SLC35F3: variants seen among roughly 807,000 people sequenced by gnomAD.
SLC35F3 encodes putative thiamine transporter SLC35F3.
In SLC35F3, 25 loss-of-function variants were observed where a neutral mutation model predicts 49.9. The observed-to-expected ratio is 0.50, with a 90% CI of 0.37 to 0.70. SLC35F3 has a LOEUF of 0.70. SLC35F3 is among the 30% of genes least tolerant of loss of function. The pLI is 0.00. For synonymous variants in SLC35F3, 275 were observed against 265.4 expected (o/e 1.04, Z -0.35); for missense variants, 525 against 639.8 (o/e 0.82, Z 1.94).
At position 234,323,378 on chromosome 1, in the gene SLC35F3, C is replaced by T; in HGVS notation, c.*135C>T. Reference sequence around the variant, plus strand: ...AGTTCTATGGTATTTATTGGCATGTCCAATTTGCTTGCACTTTTCCACATC... The same window carrying T: ...AGTTCTATGGTATTTATTGGCATGTTCAATTTGCTTGCACTTTTCCACATC... On this transcript the variant is annotated 3_prime_UTR_variant, in exon 8 of 8. Coordinates refer to ENST00000366618, the MANE Select transcript of SLC35F3 (RefSeq NM_173508.4). This position sits in a 1 kb window ranked among gnomAD's most constrained non-coding sequence, Gnocchi z 4.5. The T allele has an allele frequency of 1.4e-6, 1 of 708,132 alleles. No individual in the cohort carries two copies. The highest frequency in any genetic ancestry group is 2.8e-5 in the Admixed American group (1 of 35,292). The allele number at this position is 708,132 out of a possible 1,614,324, so 43.9% of individuals were successfully genotyped here. A position where few individuals can be genotyped will look rare whatever the true frequency, so the allele number is the denominator to read the frequency against.
intron 2 of SLC35F3, among the ~76,000 whole-genome samples, chr1:234,191,989 C>T (rs1358746344): frequency 5.3e-5 from 8 of 151,794 alleles, no homozygotes; most frequent in African/African-American, 7.3e-5. Flanking sequence ...AAAAAAAGTC[C>T]AGGACCAGAT....
intron 2 of SLC35F3, among the ~76,000 whole-genome samples, chr1:233,994,660 C>T (rs749857674): frequency 3.3e-5 from 5 of 152,188 alleles, no homozygotes; most frequent in Non-Finnish European, 7.3e-5. Flanking sequence ...CCAAGGATTA[C>T]ATCTAGAGAG....
intron 3 of SLC35F3, among the ~76,000 whole-genome samples, chr1:234,265,652 G>A (rs1416666209): frequency 1.1e-4 from 17 of 152,086 alleles, no homozygotes; most frequent in Non-Finnish European, 2.1e-4. Context: ...CCTCCCAAGC[G>A]TTCTCCATTC....
At position 234,108,456 on chromosome 1, in the gene SLC35F3, AT is replaced by A. The variant is rs1399619015; in HGVS notation, c.284-122958del. On this transcript the variant is annotated intron_variant, in intron 2 of 7. Coordinates refer to ENST00000366618, the MANE Select transcript of SLC35F3 (RefSeq NM_173508.4). ...AAGATATATATAAAAGATATATATT[AT>A]TTATATATATAAAAGATATATATAT... is the stretch of plus-strand genomic sequence containing the variant. Among the ~76,000 whole-genome samples, 40 of 114,622 alleles carry A rather than the reference AT, an allele frequency of 3.5e-4. No homozygotes were observed. The Admixed American group carries it at 3.7e-3, about 10-fold the overall frequency. The allele number at this position is 114,622 out of a possible 152,430, so 75.2% of individuals were successfully genotyped here. A position where few individuals can be genotyped will look rare whatever the true frequency, so the allele number is the denominator to read the frequency against.
At chr1:234,319,129 C>G (rs918135299) in intron 6 of SLC35F3, among the ~76,000 whole-genome samples, 186 bp downstream of exon 6, 2 of 152,252 alleles carry the variant, frequency 1.3e-5, no homozygotes, top group Non-Finnish European at 2.9e-5. Flanking sequence ...AATTCCAGAG[C>G]CAGAATCAGT....
At chr1:234,314,276 T>G (rs188036737) in intron 4 of SLC35F3, among the ~76,000 whole-genome samples, 2 of 152,244 alleles carry the variant, frequency 1.3e-5, no homozygotes, top group Admixed American at 1.3e-4. Flanking sequence ...CCCTTGTCCC[T>G]TCCCCCAGCT....
chr1:234,318,858 C>T lies in SLC35F3; in HGVS notation c.1062C>T (p.Ile354=), dbSNP rs1173097013. The change falls in exon 6 of 8, where the codon ATC becomes ATT. Residue 354 remains isoleucine, a synonymous_variant. Coordinates refer to ENST00000366618, the MANE Select transcript of SLC35F3 (RefSeq NM_173508.4). ...NILFITCIPI[I]LYFTKVEYWS... ...TCTTCATCACCTGCATTCCTATTAT[C>T]CTCTACTTTACCAAAGTGGAATACT... 14 of 1,614,126 alleles carry T rather than the reference C, an allele frequency of 8.7e-6. No individual in the cohort carries two copies. Among genetic ancestry groups the T allele is most frequent in the Non-Finnish European group, 1.2e-5 (14 of 1,179,970 alleles).
chr1:234,051,131 T>G (rs938666351), intron 2 of SLC35F3, among the ~76,000 whole-genome samples: 2 of 152,228 alleles, frequency 1.3e-5, no homozygotes, highest in Admixed American at 6.5e-5. Flanking sequence ...GCTCTTTTTT[T>G]GGTTCCATAT....
At chr1:234,304,354 G>T (rs763698277) in intron 3 of SLC35F3, among the ~76,000 whole-genome samples, 8 of 152,084 alleles carry the variant, frequency 5.3e-5, no homozygotes, top group Non-Finnish European at 1.0e-4. Flanking sequence ...GTAGAGGCAG[G>T]GTTTCACCAT....
chr1:234,112,556 C>CTT (rs777353110), intron 2 of SLC35F3, among the ~76,000 whole-genome samples: 14,030 of 116,110 alleles, frequency 0.12, 2,397 homozygotes, highest in East Asian at 0.8. Flanking sequence ...AATTCACACT[C>CTT]TTTTTTTTTT....
At chr1:233,915,903 C>G (rs975942909) in intron 2 of SLC35F3, among the ~76,000 whole-genome samples, 9 of 152,194 alleles carry the variant, frequency 5.9e-5, no homozygotes, top group African/African-American at 2.2e-4. Flanking sequence ...CCCGCCAGGT[C>G]CCTCCCACAA....
At chr1:234,004,577 ACT>A (rs780334927) in intron 2 of SLC35F3, among the ~76,000 whole-genome samples, 1 of 89,264 alleles carries the variant, frequency 1.1e-5, no homozygotes, top group South Asian at 3.9e-4. Flanking sequence ...AGGAAAATAG[ACT>A]CTGTATTGAG....
chr1:234,287,405 A>G (rs1454275811), intron 3 of SLC35F3, among the ~76,000 whole-genome samples: 1 of 152,184 alleles, frequency 6.6e-6, no homozygotes. Context: ...ATTTGGTTCC[A>G]CAACGGCCCA....
chr1:233,964,346 G>A (rs1662859569), intron 2 of SLC35F3, among the ~76,000 whole-genome samples: 1 of 152,186 alleles, frequency 6.6e-6, no homozygotes, highest in Admixed American at 6.5e-5. Context: ...GAAGTGGCCT[G>A]GGGCTGGATG....
At chr1:234,003,855 C>T (rs1364700629) in intron 2 of SLC35F3, among the ~76,000 whole-genome samples, 1 of 152,152 alleles carries the variant, frequency 6.6e-6, no homozygotes, top group African/African-American at 2.4e-5. Context: ...AAATGATGCT[C>T]AGCCTTACCC....
At chr1:234,160,897 G>A (rs1263987598) in intron 2 of SLC35F3, among the ~76,000 whole-genome samples, 1 of 152,290 alleles carries the variant, frequency 6.6e-6, no homozygotes, top group South Asian at 2.1e-4. Flanking sequence ...TTTTCTCTTT[G>A]TGTGGATCAA....
intron 2 of SLC35F3, among the ~76,000 whole-genome samples, chr1:233,951,167 A>G (rs1018877826): frequency 6.6e-6 from 1 of 151,896 alleles, no homozygotes; most frequent in Admixed American, 6.6e-5. Context: ...AGAGTCATGC[A>G]CCATGTAACA....
chr1:233,945,111 A>AAG (rs1662493106), intron 2 of SLC35F3, among the ~76,000 whole-genome samples: 1 of 151,914 alleles, frequency 6.6e-6, no homozygotes, highest in African/African-American at 2.4e-5. Context: ...ATACAAGGAG[A>AAG]AGAGAATTTT....
At chr1:234,282,015 C>T (rs1043381261) in intron 3 of SLC35F3, among the ~76,000 whole-genome samples, 2 of 152,030 alleles carry the variant, frequency 1.3e-5, no homozygotes, top group Non-Finnish European at 2.9e-5. Context: ...TCCCCTGGTA[C>T]GTCTTGTGAA....
Sources: gnomAD v4.1 joint callset for allele counts (sites outside exome capture counted in the v4.1 genomes callset) on GRCh38, gnomAD v4.1.1 for gene constraint, Gnocchi (gnomAD v3.1) non-coding constraint, MANE v1.5 for transcripts, NCBI Gene and HGNC (gene_info 2026-07-23, HGNC 2026-07-21) for gene names.